LRRTM4: variants seen among roughly 807,000 people sequenced by gnomAD.
LRRTM4 encodes the protein leucine rich repeat transmembrane neuronal 4.
A neutral mutation model predicts 47.6 loss-of-function variants in LRRTM4; 25 were observed. The observed-to-expected ratio is 0.53, with a 90% CI of 0.38 to 0.73. The LOEUF (loss-of-function observed/expected upper bound fraction) is 0.73, where lower values mean the gene tolerates loss of function less well. LRRTM4 is among the 30% of genes least tolerant of loss of function. The probability of loss-of-function intolerance (pLI) is 0.00; values close to 1 mark genes in which losing one functional copy is unlikely to be tolerated. For synonymous variants in LRRTM4, 311 were observed against 269.5 expected (o/e 1.15, Z -1.51); for missense variants, 638 against 713.4 (o/e 0.89, Z 1.20).
At chr2:77,343,065 T>C (rs758799814) in intron 3 of LRRTM4, among the ~76,000 whole-genome samples, 1 of 151,974 alleles carries the variant, frequency 6.6e-6, no homozygotes, top group African/African-American at 2.4e-5. Flanking sequence ...GGAAAGCAAA[T>C]TAATTCACTA....
In LRRTM4 at chr2:77,342,643, C is replaced by T. The variant is rs188600265; in HGVS notation, c.1551+175675G>A. Among the ~76,000 whole-genome samples the T allele has an allele frequency of 2.6e-3, 394 of 151,974 alleles. 1 individual carries two copies. Among genetic ancestry groups the T allele is most frequent in the Non-Finnish European group, 4.7e-3 (320 of 67,884 alleles). On this transcript the variant is annotated intron_variant, in intron 3 of 3. Transcript: ENST00000409884. Reference sequence around the variant, plus strand: ...GTTATTTTTTCAAAGACAATATATACACAATTGTATAATAAAATATCTTCC... The same window carrying T: ...GTTATTTTTTCAAAGACAATATATATACAATTGTATAATAAAATATCTTCC...
chr2:77,030,691 A>G (rs1460896593), intron 3 of LRRTM4, among the ~76,000 whole-genome samples: 1 of 152,194 alleles, frequency 6.6e-6, no homozygotes. Flanking sequence ...ATGAAAATGA[A>G]CTTAGATGAG....
chr2:76,830,531 T>C (rs560125244), intron 3 of LRRTM4, among the ~76,000 whole-genome samples: 1 of 150,468 alleles, frequency 6.6e-6, no homozygotes, highest in Non-Finnish European at 1.5e-5. Flanking sequence ...TGTGTGTGTG[T>C]GTGTGTGTGT....
intron 3 of LRRTM4, among the ~76,000 whole-genome samples, chr2:77,366,228 C>G (rs1005560122): frequency 4.6e-5 from 7 of 151,864 alleles, no homozygotes; most frequent in African/African-American, 9.7e-5. Context: ...ACAGTATTAA[C>G]AGATCTAATG....
At chr2:77,123,403 C>T (rs146014843) in intron 3 of LRRTM4, among the ~76,000 whole-genome samples, 2 of 151,966 alleles carry the variant, frequency 1.3e-5, no homozygotes, top group South Asian at 2.1e-4. Flanking sequence ...CAGAGGAAAC[C>T]CCAACTGAAC....
intron 3 of LRRTM4, among the ~76,000 whole-genome samples, chr2:76,983,454 TG>T (rs1406789143): frequency 3.9e-5 from 6 of 151,972 alleles, no homozygotes; most frequent in African/African-American, 1.4e-4. Flanking sequence ...GGAGATTTGA[TG>T]GTTTTATAAA....
chr2:76,961,770 T>C (rs1675868632), intron 3 of LRRTM4, among the ~76,000 whole-genome samples: 1 of 151,334 alleles, frequency 6.6e-6, no homozygotes, highest in African/African-American at 2.4e-5. Flanking sequence ...TCCCAGGCTC[T>C]AGGTGATACA....
At chr2:77,362,834 T>A (rs1304042644) in intron 3 of LRRTM4, among the ~76,000 whole-genome samples, 1 of 152,142 alleles carries the variant, frequency 6.6e-6, no homozygotes, top group Non-Finnish European at 1.5e-5. Flanking sequence ...AACATGCCTG[T>A]AGGATTGAGA....
intron 3 of LRRTM4, among the ~76,000 whole-genome samples, chr2:77,504,767 A>G (rs1678704620): frequency 7.5e-6 from 1 of 133,374 alleles, no homozygotes; most frequent in Non-Finnish European, 1.6e-5. Context: ...GAATGAACAA[A>G]TATATGACTA....
intron 3 of LRRTM4, among the ~76,000 whole-genome samples, chr2:77,264,914 C>A (rs1676012002): frequency 6.6e-6 from 1 of 152,040 alleles, no homozygotes; most frequent in Non-Finnish European, 1.5e-5. Context: ...CAGAATAAAT[C>A]TAGTTTGTTT....
chr2:77,079,033 G>T (rs904161611), intron 3 of LRRTM4, among the ~76,000 whole-genome samples: 1 of 152,058 alleles, frequency 6.6e-6, no homozygotes, highest in Non-Finnish European at 1.5e-5. Context: ...AAGGCCTCGC[G>T]ATCTAACACT....
chr2:76,971,300 A>G (rs917584422), intron 3 of LRRTM4, among the ~76,000 whole-genome samples: 2 of 152,188 alleles, frequency 1.3e-5, no homozygotes, highest in South Asian at 2.1e-4. Context: ...GAGCCCTAGG[A>G]TATGTACCTC....
intron 3 of LRRTM4, among the ~76,000 whole-genome samples, chr2:77,229,454 T>C (rs1001278907): frequency 7.2e-5 from 11 of 152,176 alleles, no homozygotes; most frequent in Non-Finnish European, 1.6e-4. Flanking sequence ...AGTTCAACTT[T>C]AATAAATCCA....
At chr2:76,949,206 G>C (rs927347114) in intron 3 of LRRTM4, among the ~76,000 whole-genome samples, 1 of 151,842 alleles carries the variant, frequency 6.6e-6, no homozygotes, top group African/African-American at 2.4e-5. Flanking sequence ...TCAGTTATTG[G>C]AGAAATCCTC....
Position 76,940,676 on chromosome 2 carries a change from TTC to T in LRRTM4, c.1552-191762_1552-191761del, listed in dbSNP as rs753244867. Reference sequence around the variant, plus strand: ...ACAAACAAATATTTTGTTGTTGTTGTTCTGTTTCTTAGATGTGACAATTCTAG... The same window carrying T: ...ACAAACAAATATTTTGTTGTTGTTGTTGTTTCTTAGATGTGACAATTCTAG... On this transcript the variant is annotated intron_variant, in intron 3 of 3. Coordinates refer to ENST00000409884, the MANE Select transcript of LRRTM4 (RefSeq NM_001134745.3). Among the ~76,000 whole-genome samples, 10 of 152,270 alleles carry T rather than the reference TTC, an allele frequency of 6.6e-5. No individual in the cohort carries two copies. In the East Asian group the frequency reaches 1.4e-3, roughly 21 times the overall value.
chr2:76,842,616 C>T (rs1222677910), intron 3 of LRRTM4, among the ~76,000 whole-genome samples: 1 of 152,158 alleles, frequency 6.6e-6, no homozygotes, highest in Non-Finnish European at 1.5e-5. Context: ...TTGACTCACT[C>T]ACATAATTTG....
chr2:77,217,070 C>CAAA (rs553127745), intron 3 of LRRTM4, among the ~76,000 whole-genome samples: 1 of 84,138 alleles, frequency 1.2e-5, no homozygotes, highest in Non-Finnish European at 2.9e-5. Flanking sequence ...GAGACTCTGT[C>CAAA]AAAAAAAAAA....
chr2:77,219,578 C>A (rs1008017800), intron 3 of LRRTM4, among the ~76,000 whole-genome samples: 2 of 152,146 alleles, frequency 1.3e-5, no homozygotes, highest in Non-Finnish European at 2.9e-5. Context: ...TCTCTACAAT[C>A]AGACTAATAA....
At chr2:76,913,843 TTTCA>T (rs1302221454) in intron 3 of LRRTM4, among the ~76,000 whole-genome samples, 2 of 152,052 alleles carry the variant, frequency 1.3e-5, no homozygotes, top group East Asian at 3.9e-4. Flanking sequence ...CCAGCCGCTA[TTTCA>T]ATTATTCTTT....
Sources: allele counts gnomAD v4.1 joint callset (sites outside exome capture counted in the v4.1 genomes callset), GRCh38; gene constraint gnomAD v4.1.1; transcripts MANE v1.5; gene names NCBI Gene and HGNC (gene_info 2026-07-23, HGNC 2026-07-21).